Variants in SYT1 observed in about 807,000 individuals in gnomAD.
SYT1 encodes the protein synaptotagmin 1, also known as synaptotagmin-1.
Under a neutral mutation model 44.8 loss-of-function variants are expected in SYT1, and 8 were observed. That is an observed-to-expected ratio of 0.18 (90% CI 0.10 to 0.32). The LOEUF (loss-of-function observed/expected upper bound fraction) is 0.32, where lower values mean the gene tolerates loss of function less well. Ranked by LOEUF, SYT1 falls within the 10% of genes least tolerant of loss-of-function variation. The pLI is 1.00. For missense variants in SYT1, 286 were observed against 509.3 expected, an observed-to-expected ratio of 0.56 and a Z score of 4.22; for synonymous variants, 154 against 188.8, an observed-to-expected ratio of 0.82 and a Z score of 1.51.
intron 3 of SYT1, among the ~76,000 whole-genome samples, chr12:79,101,158 C>T (rs11112787): frequency 0.15 from 23,136 of 151,998 alleles, 1,869 homozygotes; most frequent in African/African-American, 0.19. Flanking sequence ...TGCACACTGG[C>T]GTTCATAGTA....
At chr12:78,908,376 CTT>C (rs66823725) in intron 1 of SYT1, among the ~76,000 whole-genome samples, 2 of 148,760 alleles carry the variant, frequency 1.3e-5, no homozygotes, top group Non-Finnish European at 3.0e-5. Flanking sequence ...ATCAGTTTTT[CTT>C]TTTTTTTTTA....
chr12:79,243,174 G>A (rs1876614421), intron 4 of SYT1, among the ~76,000 whole-genome samples: 1 of 152,200 alleles, frequency 6.6e-6, no homozygotes, highest in Non-Finnish European at 1.5e-5. Context: ...CACAACATGT[G>A]GGGATTATGG....
intron 1 of SYT1, among the ~76,000 whole-genome samples, chr12:78,951,403 G>C (rs1878961000): frequency 6.6e-6 from 1 of 152,038 alleles, no homozygotes; most frequent in Non-Finnish European, 1.5e-5. Context: ...TACCAATATA[G>C]TAGGTAGGAA....
At chr12:79,268,682 T>C (rs921382435) in intron 4 of SYT1, among the ~76,000 whole-genome samples, 1 of 152,162 alleles carries the variant, frequency 6.6e-6, no homozygotes, top group Non-Finnish European at 1.5e-5. Flanking sequence ...GGAACACAAA[T>C]TGAAAAGAGA....
intron 3 of SYT1, among the ~76,000 whole-genome samples, chr12:79,052,575 C>G (rs1874588028): frequency 6.6e-6 from 1 of 152,132 alleles, no homozygotes; most frequent in African/African-American, 2.4e-5. Flanking sequence ...AGGCAGCCTA[C>G]AGAATGGGAG....
intron 4 of SYT1, among the ~76,000 whole-genome samples, chr12:79,266,858 T>C (rs1878156752): frequency 6.6e-6 from 1 of 152,162 alleles, no homozygotes; most frequent in African/African-American, 2.4e-5. Flanking sequence ...AAATGTCCCG[T>C]GGATACTTAG....
chr12:79,116,417 G>T (rs1468219852), intron 3 of SYT1, among the ~76,000 whole-genome samples: 1 of 152,136 alleles, frequency 6.6e-6, no homozygotes, highest in Admixed American at 6.6e-5. Flanking sequence ...AAATTAGGAA[G>T]GCAAAGTATT....
chr12:79,270,886 T>A (rs1878386028), intron 4 of SYT1, among the ~76,000 whole-genome samples: 1 of 152,212 alleles, frequency 6.6e-6, no homozygotes, highest in South Asian at 2.1e-4. Flanking sequence ...TATTGAGCAC[T>A]GACTCAGGCA....
chr12:79,035,956 A>C (rs1360056212), intron 2 of SYT1, among the ~76,000 whole-genome samples: 2 of 151,700 alleles, frequency 1.3e-5, no homozygotes, highest in African/African-American at 2.4e-5. Context: ...AAACAAAAAA[A>C]AAAAAAACAA....
chr12:79,450,022 C>CCTGA lies in SYT1; in HGVS notation c.*901_*904dup, dbSNP rs962180632. 1.3e-5 allele frequency: 2 copies of CCTGA among 150,604 alleles called. No individual in the cohort carries two copies. The highest frequency in any genetic ancestry group is 3.0e-5 in the Non-Finnish European group (2 of 67,706). The allele number at this position is 150,604 out of a possible 1,614,324, so 9.3% of individuals were successfully genotyped here. On this transcript the variant is annotated 3_prime_UTR_variant, in exon 11 of 11. Coordinates refer to ENST00000261205, the MANE Select transcript of SYT1 (RefSeq NM_005639.3). ...AGAAGTCAACATTTATGAAATATTG[C>CCTGA]CTGACTATTTAAAAAGAAAAAAGTA...
At chr12:79,335,902 C>G (rs1882069614) in intron 8 of SYT1, among the ~76,000 whole-genome samples, 1 of 152,226 alleles carries the variant, frequency 6.6e-6, no homozygotes, top group African/African-American at 2.4e-5. Context: ...TGACAGCTTT[C>G]TGTTCCATAC....
intron 1 of SYT1, among the ~76,000 whole-genome samples, chr12:78,925,583 T>A (rs1877257727): frequency 6.6e-6 from 1 of 151,918 alleles, no homozygotes. Flanking sequence ...TTCCCAAAAG[T>A]CAGAACCATA....
intron 10 of SYT1, among the ~76,000 whole-genome samples, chr12:79,448,274 G>C (rs1447345484): frequency 6.6e-6 from 1 of 152,094 alleles, no homozygotes; most frequent in Non-Finnish European, 1.5e-5. Flanking sequence ...TGTTTACTAA[G>C]AGAACGTATG....
intron 2 of SYT1, among the ~76,000 whole-genome samples, chr12:78,989,648 A>G (rs1304994256): frequency 6.6e-6 from 1 of 152,100 alleles, no homozygotes; most frequent in Non-Finnish European, 1.5e-5. Context: ...AAAACTACCA[A>G]TGGATTTCCC....
intron 9 of SYT1, among the ~76,000 whole-genome samples, chr12:79,366,442 G>A (rs58758736): frequency 0.018 from 2,728 of 152,336 alleles, 89 homozygotes; most frequent in African/African-American, 0.063. Context: ...CTTTATATGT[G>A]CCCTGACCTT....
chr12:79,439,630 G>A (rs1461462189), intron 9 of SYT1, among the ~76,000 whole-genome samples: 1 of 152,162 alleles, frequency 6.6e-6, no homozygotes, highest in African/African-American at 2.4e-5. Flanking sequence ...AATTAACAAT[G>A]AAATGTGCCA....
intron 3 of SYT1, among the ~76,000 whole-genome samples, chr12:79,129,061 T>C (rs1868631504): frequency 6.6e-6 from 1 of 152,198 alleles, no homozygotes. Context: ...GGCCTTGGGT[T>C]ACAGTCCCCT....
intron 8 of SYT1, chr12:79,341,256 A>G (rs1022965444): frequency 1.3e-5 from 2 of 152,198 alleles, no homozygotes; most frequent in Admixed American, 6.5e-5. Context: ...CTAGGCTACA[A>G]TAACAAATAG....
At chr12:78,966,051 T>G (rs1879754346) in intron 1 of SYT1, among the ~76,000 whole-genome samples, 1 of 149,686 alleles carries the variant, frequency 6.7e-6, no homozygotes, top group Non-Finnish European at 1.5e-5. Context: ...CATTCTAGCT[T>G]GGGTGATAGA....
Sources: gnomAD v4.1 joint callset for allele counts (sites outside exome capture counted in the v4.1 genomes callset) on GRCh38, gnomAD v4.1.1 for gene constraint, MANE v1.5 for transcripts, NCBI Gene and HGNC (gene_info 2026-07-23, HGNC 2026-07-21) for gene names.